ROBO2: variants seen among roughly 807,000 people sequenced by gnomAD.
The protein encoded by ROBO2 is roundabout guidance receptor 2.
ROBO2 carries 53 observed loss-of-function variants against 160.8 expected under a neutral mutation model. That is an observed-to-expected ratio of 0.33 (90% confidence interval 0.26 to 0.41). The LOEUF (loss-of-function observed/expected upper bound fraction) is 0.41. ROBO2 is among the 10% of genes least tolerant of loss of function. The probability of loss-of-function intolerance (pLI) is 1.00; values close to 1 mark genes in which losing one functional copy is unlikely to be tolerated. For missense variants in ROBO2, 1,577 were observed against 1,722.4 expected (o/e 0.92, Z 1.49); for synonymous variants, 664 against 611.7 (o/e 1.09, Z -1.26).
At chr3:76,688,077 A>G (rs1348035106) in intron 2 of ROBO2, among the ~76,000 whole-genome samples, 1 of 152,114 alleles carries the variant, frequency 6.6e-6, no homozygotes, top group Non-Finnish European at 1.5e-5. Context: ...TAGGAGAATC[A>G]TATCGATGAC....
At chr3:75,919,988 C>T (rs1231603923) in intron 1 of ROBO2, among the ~76,000 whole-genome samples, 2 of 152,152 alleles carry the variant, frequency 1.3e-5, no homozygotes, top group Non-Finnish European at 2.9e-5. Flanking sequence ...AAAAAACCCA[C>T]TCCTAGATTC....
chr3:77,460,837 T>C (rs1340992142), intron 2 of ROBO2, among the ~76,000 whole-genome samples: 1 of 152,234 alleles, frequency 6.6e-6, no homozygotes, highest in African/African-American at 2.4e-5. Flanking sequence ...AGCTGATAGC[T>C]AATTTCCCAT....
intron 2 of ROBO2, among the ~76,000 whole-genome samples, chr3:76,816,984 C>T (rs188739247): frequency 1.3e-3 from 203 of 152,156 alleles, no homozygotes; most frequent in African/African-American, 4.6e-3. Context: ...GAAAACCAAA[C>T]GCCGCATGTT....
intron 2 of ROBO2, among the ~76,000 whole-genome samples, chr3:76,075,043 A>G (rs2068599074): frequency 6.6e-6 from 1 of 152,162 alleles, no homozygotes. Flanking sequence ...ATTCAGACAC[A>G]AGTGATAATT....
At chr3:76,965,347 G>T (rs4855997) in intron 2 of ROBO2, among the ~76,000 whole-genome samples, 31,284 of 152,094 alleles carry the variant, frequency 0.21, 3,337 homozygotes, top group South Asian at 0.31. Context: ...GATGTGTAAA[G>T]CTACACTCAG....
chr3:76,593,027 A>G (rs775464584), intron 2 of ROBO2, among the ~76,000 whole-genome samples: 1 of 152,128 alleles, frequency 6.6e-6, no homozygotes, highest in Admixed American at 6.5e-5. Context: ...CAGATACATC[A>G]TAATCACAAA....
In ROBO2 at chr3:77,368,705, T is replaced by G. The variant is rs1243305992; in HGVS notation, c.389-108709T>G. 1.3e-5 allele frequency among the ~76,000 whole-genome samples: 2 copies of G among 152,236 alleles called. 1 individual carries two copies. The highest frequency in any genetic ancestry group is 4.1e-4 in the South Asian group (2 of 4,832). ...ATTTTAATGGTTTATTTAGATCTTATGTTCTGTATCTTTTGTGATATTCTC... is the reference window on the plus strand; with the variant it reads ...ATTTTAATGGTTTATTTAGATCTTAGGTTCTGTATCTTTTGTGATATTCTC... On this transcript the variant is annotated intron_variant, in intron 2 of 25. Coordinates refer to ENST00000461745, the Ensembl canonical transcript of ROBO2.
intron 2 of ROBO2, among the ~76,000 whole-genome samples, chr3:76,116,780 C>T (rs2070488494): frequency 6.6e-6 from 1 of 152,164 alleles, no homozygotes; most frequent in South Asian, 2.1e-4. Flanking sequence ...GAAGTTTCCA[C>T]CAAGCTTTGT....
At chr3:76,506,331 T>C (rs72900597) in intron 2 of ROBO2, among the ~76,000 whole-genome samples, 1 of 152,158 alleles carries the variant, frequency 6.6e-6, no homozygotes, top group African/African-American at 2.4e-5. Context: ...CAAGATTGCA[T>C]TTTGACCTCT....
intron 2 of ROBO2, among the ~76,000 whole-genome samples, chr3:76,535,166 A>G (rs910037492): frequency 6.6e-6 from 1 of 151,964 alleles, no homozygotes; most frequent in Non-Finnish European, 1.5e-5. Context: ...GAGTTGTGGA[A>G]GGGGGTATTG....
Position 76,365,485 on chromosome 3 carries a change from T to C in ROBO2, c.109+427883T>C, listed in dbSNP as rs1186986952. 3.3e-5 allele frequency among the ~76,000 whole-genome samples: 5 copies of C among 152,212 alleles called. No homozygotes were observed. The Middle Eastern group carries it at 0.01, about 311-fold the overall frequency. ...TGCAGAGGCTAACTGGGGATCTGTC[T>C]ATTAGAAATTACTCATAGCCGGGTG... is the stretch of plus-strand genomic sequence containing the variant. On this transcript the variant is annotated intron_variant, in intron 2 of 26. Transcript: ENST00000487694.
At chr3:77,540,016 T>C (rs546387058) in intron 6 of ROBO2, among the ~76,000 whole-genome samples, 7 of 152,226 alleles carry the variant, frequency 4.6e-5, no homozygotes, top group African/African-American at 1.7e-4. Flanking sequence ...GATTGGAAAA[T>C]CTTAGATCAG....
chr3:76,274,240 G>A (rs556114425), intron 2 of ROBO2, among the ~76,000 whole-genome samples: 21 of 151,416 alleles, frequency 1.4e-4, no homozygotes, highest in African/African-American at 4.8e-4. Flanking sequence ...ATTTTTTCTT[G>A]AACTTTTGTG....
intron 2 of ROBO2, among the ~76,000 whole-genome samples, chr3:76,619,068 C>A (rs2088837989): frequency 1.3e-5 from 2 of 150,116 alleles, no homozygotes. Context: ...AGGCCGGGCG[C>A]GGTGGCTCAC....
At chr3:76,950,222 G>A (rs1298168610) in intron 2 of ROBO2, among the ~76,000 whole-genome samples, 1 of 152,172 alleles carries the variant, frequency 6.6e-6, no homozygotes, top group Non-Finnish European at 1.5e-5. Context: ...ACGGTGTTCA[G>A]TTTAAAGAGT....
At chr3:75,906,779 A>G (rs1946362999) in exon 1 of ROBO2, 1 of 152,208 alleles carries the variant, frequency 6.6e-6, no homozygotes, top group Non-Finnish European at 1.5e-5. Flanking sequence ...GAGGGAGAGG[A>G]AAGAAAAGGA....
intron 2 of ROBO2, among the ~76,000 whole-genome samples, chr3:76,312,967 C>A (rs538740093): frequency 6.6e-6 from 1 of 152,312 alleles, no homozygotes; most frequent in East Asian, 1.9e-4. Context: ...TAAATCAAGT[C>A]TGAAATGTTT....
chr3:76,880,586 ATTTTT>A (rs1303120288), intron 2 of ROBO2, among the ~76,000 whole-genome samples: 1 of 152,230 alleles, frequency 6.6e-6, no homozygotes, highest in African/African-American at 2.4e-5. Context: ...AAAAATTTGA[ATTTTT>A]TGGAGGCCTT....
At chr3:76,435,738 A>T (rs2076645503) in intron 2 of ROBO2, among the ~76,000 whole-genome samples, 1 of 152,100 alleles carries the variant, frequency 6.6e-6, no homozygotes, top group African/African-American at 2.4e-5. Context: ...GGGTTATTCT[A>T]CCAACAAACA....
Sources: gnomAD v4.1 joint callset for allele counts (sites outside exome capture counted in the v4.1 genomes callset) on GRCh38, gnomAD v4.1.1 for gene constraint, MANE v1.5 for transcripts, NCBI Gene and HGNC (gene_info 2026-07-23, HGNC 2026-07-21) for gene names.